The following IQGAP1 variants were observed in gnomAD, a reference collection of about 807,000 sequenced individuals.
IQGAP1 encodes IQ motif containing GTPase activating protein 1, also known as ras GTPase-activating-like protein IQGAP1.
IQGAP1 carries 66 observed loss-of-function variants against 215.6 expected under a neutral mutation model. That is an observed-to-expected ratio of 0.31 (90% CI 0.25 to 0.38). The LOEUF (loss-of-function observed/expected upper bound fraction) is 0.38. Ranked by LOEUF, IQGAP1 falls within the 10% of genes least tolerant of loss-of-function variation. The pLI, the probability that IQGAP1 is intolerant of heterozygous loss-of-function variation, is 1.00. For synonymous variants in IQGAP1, 772 were observed against 728.7 expected, an observed-to-expected ratio of 1.06 and a Z score of -0.96; for missense variants, 1,712 against 1,997.1, an observed-to-expected ratio of 0.86 and a Z score of 2.72.
Position 90,465,353 on chromosome 15 carries a change from C to T in IQGAP1, c.1777-648C>T, listed in dbSNP as rs1965815618. ...TAAGTACTGCATATTCATATATATA[C>T]CCTGGCCCTTGTCACCCTGTTAAAG... On this transcript the variant is annotated intron_variant, in intron 15 of 37. Transcript: ENST00000268182. 4.6e-5 allele frequency among the ~76,000 whole-genome samples: 7 copies of T among 152,170 alleles called. No individual in the cohort carries two copies. In the South Asian group the frequency reaches 1.5e-3, roughly 32 times the overall value.
At chr15:90,492,108 G>A (rs1008120864) in intron 34 of IQGAP1, among the ~76,000 whole-genome samples, 1 of 152,050 alleles carries the variant, frequency 6.6e-6, no homozygotes, top group Non-Finnish European at 1.5e-5. Flanking sequence ...ATACAAATGG[G>A]GGAAGAAAAT....
chr15:90,419,499 C>G (rs1386284735), intron 2 of IQGAP1, among the ~76,000 whole-genome samples: 2 of 152,054 alleles, frequency 1.3e-5, no homozygotes, highest in Non-Finnish European at 2.9e-5. Flanking sequence ...TGGGGTTAAA[C>G]TTGAAGAGAA....
chr15:90,442,240 C>T (rs1596267959), intron 8 of IQGAP1, among the ~76,000 whole-genome samples: 1 of 152,034 alleles, frequency 6.6e-6, no homozygotes, highest in Admixed American at 6.6e-5. Context: ...TCTCATTTCC[C>T]GAGGTCAGGA....
intron 15 of IQGAP1, among the ~76,000 whole-genome samples, chr15:90,457,618 T>C (rs1965704292): frequency 6.6e-6 from 1 of 151,058 alleles, no homozygotes; most frequent in African/African-American, 2.4e-5. Context: ...TTTTTTGTAT[T>C]TTTTGTAGAG....
intron 29 of IQGAP1, 52 bp downstream of exon 29, chr15:90,483,645 G>T (rs1253842338): frequency 1.1e-5 from 14 of 1,302,596 alleles, no homozygotes; most frequent in Non-Finnish European, 1.3e-5. Flanking sequence ...TATTTTTATT[G>T]TTGAGGGGAA....
intron 1 of IQGAP1, 36 bp from the exon 2 acceptor site, chr15:90,390,738 G>T: frequency 2.9e-6 from 4 of 1,381,320 alleles, no homozygotes; most frequent in Non-Finnish European, 4.1e-6. Context: ...GAAGGCTACA[G>T]ATCCTGGTGT....
At chr15:90,439,103 G>T (rs1198544252) in intron 5 of IQGAP1, among the ~76,000 whole-genome samples, 1 of 151,714 alleles carries the variant, frequency 6.6e-6, no homozygotes, top group East Asian at 1.9e-4. Flanking sequence ...CCAGTCCAGT[G>T]CTCTTTGCAT....
chr15:90,425,393 T>C (rs897344218), intron 2 of IQGAP1, among the ~76,000 whole-genome samples: 3 of 152,234 alleles, frequency 2.0e-5, no homozygotes, highest in South Asian at 2.1e-4. Context: ...AGAAAATACA[T>C]GTAACTAAAC....
intron 34 of IQGAP1, among the ~76,000 whole-genome samples, chr15:90,491,869 G>C (rs773725474): frequency 6.6e-6 from 1 of 152,170 alleles, no homozygotes; most frequent in Non-Finnish European, 1.5e-5. Context: ...TTAAATCGTT[G>C]ATTTGTATGA....
chr15:90,466,374 C>A lies in IQGAP1; in HGVS notation c.1973C>A (p.Pro658His). Residue 658 changes from proline to histidine, a missense_variant, in exon 17 of 38, where the codon CCT becomes CAT. This residue lies in a region of IQGAP1 where 1,021 missense variants were observed against 1,074.2 expected (regional missense o/e 0.95). Transcript: ENST00000268182. ...SPDVGLYGVI[P>H]ECGETYHSDL... ...GATGTTGGCTTGTATGGAGTCATCC[C>A]TGAGTGTGGTGAAACTTACCACAGT... 6.2e-7 allele frequency: 1 copy of A among 1,614,082 alleles called. No individual in the cohort carries two copies. The highest frequency in any genetic ancestry group is 8.5e-7 in the Non-Finnish European group (1 of 1,180,026).
At chr15:90,389,858 G>C (rs1964609879) in intron 1 of IQGAP1, among the ~76,000 whole-genome samples, 1 of 151,650 alleles carries the variant, frequency 6.6e-6, no homozygotes, top group African/African-American at 2.4e-5. Context: ...TTGGGGCTGA[G>C]GTAGGAGGAT....
chr15:90,431,861 A>G (rs1207344990), intron 4 of IQGAP1, among the ~76,000 whole-genome samples: 2 of 152,162 alleles, frequency 1.3e-5, no homozygotes, highest in African/African-American at 4.8e-5. Context: ...AAATTCATGC[A>G]GTCATTTTTT....
chr15:90,470,583 G>A (rs1391999806), intron 18 of IQGAP1, among the ~76,000 whole-genome samples: 2 of 151,896 alleles, frequency 1.3e-5, no homozygotes, highest in Admixed American at 1.3e-4. Context: ...TTTTTTTAAA[G>A]CCCATGGAAT....
At chr15:90,489,984 G>A (rs1030053678) in intron 33 of IQGAP1, among the ~76,000 whole-genome samples, 3 of 152,170 alleles carry the variant, frequency 2.0e-5, no homozygotes, top group Non-Finnish European at 4.4e-5. Context: ...TGACAGAACC[G>A]GAGGTGGATC....
intron 17 of IQGAP1, among the ~76,000 whole-genome samples, chr15:90,467,026 A>AG (rs1353161552): frequency 6.6e-6 from 1 of 152,196 alleles, no homozygotes; most frequent in Non-Finnish European, 1.5e-5. Context: ...CGGGAGGCAG[A>AG]GGCTGCCGTG....
intron 18 of IQGAP1, among the ~76,000 whole-genome samples, chr15:90,470,178 A>G (rs1287110035): frequency 6.6e-6 from 1 of 152,204 alleles, no homozygotes; most frequent in African/African-American, 2.4e-5. Context: ...TGGCGATCAC[A>G]TATAGATCCT....
At chr15:90,483,238 T>C in intron 28 of IQGAP1, 123 bp from the exon 29 acceptor site, 1 of 663,472 alleles carries the variant, frequency 1.5e-6, no homozygotes, top group Non-Finnish European at 2.7e-6. Context: ...TGTGTATATG[T>C]ATTTTTTATT....
intron 11 of IQGAP1, among the ~76,000 whole-genome samples, chr15:90,450,552 A>G (rs997384727): frequency 6.6e-6 from 1 of 151,714 alleles, no homozygotes; most frequent in African/African-American, 2.4e-5. Context: ...TAGCGGCTAT[A>G]GTAATTTATA....
chr15:90,410,591 A>C (rs1171401444), intron 2 of IQGAP1, among the ~76,000 whole-genome samples: 4 of 152,076 alleles, frequency 2.6e-5, no homozygotes, highest in Admixed American at 6.5e-5. Flanking sequence ...CAAGGACAGA[A>C]AACCAAACAC....
Sources: allele counts gnomAD v4.1 joint callset (sites outside exome capture counted in the v4.1 genomes callset), GRCh38; gene constraint gnomAD v4.1.1; regional missense constraint gnomAD v4.1.1; transcripts MANE v1.5; gene names NCBI Gene and HGNC (gene_info 2026-07-23, HGNC 2026-07-21).